The following AFG2B variants were observed in gnomAD, a reference collection of about 807,000 sequenced individuals.
The protein encoded by AFG2B is ATPase family gene 2 protein homolog B.
At chr15:45,420,452 T>A in the AFG2B span, among the ~76,000 whole-genome samples, 2 of 152,222 alleles carry the variant, frequency 1.3e-5, no homozygotes, top group Non-Finnish European at 2.9e-5. Context: ...AGATATTCTC[T>A]CATCTTTAAA....
chr15:45,421,406 A>C, the AFG2B span: 1 of 357,090 alleles, frequency 2.8e-6, no homozygotes, highest in Admixed American at 4.9e-5. Context: ...AAAATACTGT[A>C]ATTTAGGAAG....
the AFG2B span, among the ~76,000 whole-genome samples, chr15:45,408,599 A>G: frequency 1.3e-5 from 2 of 152,192 alleles, no homozygotes; most frequent in Non-Finnish European, 2.9e-5. Context: ...TTGGTTCCTC[A>G]TTGGTGATGC....
chr15:45,420,995 A>G, the AFG2B span: 1 of 1,579,620 alleles, frequency 6.3e-7, no homozygotes, highest in South Asian at 1.2e-5. Context: ...TCCATCTCAA[A>G]GAAAAAAAAG....
the AFG2B span, chr15:45,405,421 A>G: frequency 1.2e-6 from 2 of 1,614,192 alleles, no homozygotes; most frequent in Non-Finnish European, 1.7e-6. Context: ...GCCTTCTTGC[A>G]GAAATGACAG....
At chr15:45,409,117 T>C in the AFG2B span, among the ~76,000 whole-genome samples, 1 of 152,296 alleles carries the variant, frequency 6.6e-6, no homozygotes, top group African/African-American at 2.4e-5. Flanking sequence ...GGCTCACACC[T>C]ATAATCCCAG....
At chr15:45,403,484 C>CA in the AFG2B span, 1 of 1,606,970 alleles carries the variant, frequency 6.2e-7, no homozygotes, top group Non-Finnish European at 8.5e-7. Flanking sequence ...GCTCTAGACC[C>CA]AGCGCTGCGT....
chr15:45,414,431 A>C, the AFG2B span: 855 of 702,992 alleles, frequency 1.2e-3, 2 homozygotes, highest in African/African-American at 0.012. Context: ...AAATGATAAG[A>C]TCTCTGCAGT....
the AFG2B span, chr15:45,402,458 A>G: frequency 6.2e-7 from 1 of 1,607,486 alleles, no homozygotes; most frequent in Admixed American, 1.7e-5. Context: ...CCCTTCCCTG[A>G]AGGGCCGCTC....
the AFG2B span, chr15:45,405,527 A>G: frequency 6.2e-7 from 1 of 1,603,770 alleles, no homozygotes; most frequent in Non-Finnish European, 8.5e-7. Context: ...TAATTTATGA[A>G]CATCTATGTT....
At chr15:45,414,863 C>A in the AFG2B span, 2 of 1,207,234 alleles carry the variant, frequency 1.7e-6, no homozygotes, top group Non-Finnish European at 2.3e-6. Flanking sequence ...AAAAATATTA[C>A]TAGTGTTTTT....
At chr15:45,416,253 C>T in the AFG2B span, among the ~76,000 whole-genome samples, 1 of 152,078 alleles carries the variant, frequency 6.6e-6, no homozygotes. Context: ...TAGCAAGGCC[C>T]CATATCTGAA....
At chr15:45,405,690 C>T in the AFG2B span, among the ~76,000 whole-genome samples, 1 of 152,130 alleles carries the variant, frequency 6.6e-6, no homozygotes, top group African/African-American at 2.4e-5. Flanking sequence ...GGATAAAGGG[C>T]TGAGTCCTCT....
At chr15:45,403,443 C>G in the AFG2B span, 4 of 1,608,862 alleles carry the variant, frequency 2.5e-6, no homozygotes, top group Non-Finnish European at 3.4e-6. Context: ...ACCGCGAGGT[C>G]GTGGTTGTGG....
chr15:45,420,044 C>G, the AFG2B span, among the ~76,000 whole-genome samples: 3,247 of 145,596 alleles, frequency 0.022, 134 homozygotes, highest in African/African-American at 0.078. Flanking sequence ...GAACCACTCT[C>G]CTGACTAACA....
At chr15:45,406,429 A>G in the AFG2B span, among the ~76,000 whole-genome samples, 114 of 152,188 alleles carry the variant, frequency 7.5e-4, no homozygotes, top group Non-Finnish European at 1.5e-3. Context: ...TTTGTTATTA[A>G]TAAGTATCTA....
the AFG2B span, chr15:45,415,514 AGG>A: frequency 8.0e-7 from 1 of 1,253,880 alleles, no homozygotes; most frequent in Non-Finnish European, 1.1e-6. Flanking sequence ...AAAAAAAAAC[AGG>A]ATTATAAATA....
the AFG2B span, among the ~76,000 whole-genome samples, chr15:45,418,258 C>A: frequency 1.3e-5 from 2 of 149,692 alleles, no homozygotes; most frequent in African/African-American, 4.9e-5. Context: ...ACAGGAGAAT[C>A]ACTTGAACCC....
the AFG2B span, chr15:45,405,184 C>G: frequency 3.8e-5 from 29 of 772,792 alleles, no homozygotes; most frequent in Non-Finnish European, 1.8e-5. Flanking sequence ...TGTCTTCATC[C>G]CCTCACCCCC....
chr15:45,420,111 A>G, the AFG2B span, among the ~76,000 whole-genome samples: 8 of 151,934 alleles, frequency 5.3e-5, no homozygotes, highest in South Asian at 1.7e-3. Flanking sequence ...AGCATGTGGC[A>G]TATGTTATTT....
Sources: gnomAD v4.1 joint callset for allele counts (sites outside exome capture counted in the v4.1 genomes callset) on GRCh38, gnomAD v4.1.1 for gene constraint, MANE v1.5 for transcripts, NCBI Gene and HGNC (gene_info 2026-07-23, HGNC 2026-07-21) for gene names.